TMEM117: variants seen among roughly 807,000 people sequenced by gnomAD.
TMEM117 encodes transmembrane protein 117.
A neutral mutation model predicts 52.4 loss-of-function variants in TMEM117; 27 were observed. That is an observed-to-expected ratio of 0.51 (90% CI 0.38 to 0.71). The LOEUF is 0.71. Among genes scored for constraint, TMEM117 ranks in the 30% least tolerant of loss-of-function variants. TMEM117 has a pLI of 0.00. For synonymous variants in TMEM117, 215 were observed against 206.3 expected, an observed-to-expected ratio of 1.04 and a Z score of -0.36; for missense variants, 556 against 630.5, an observed-to-expected ratio of 0.88 and a Z score of 1.26.
chr12:43,949,611 A>C (rs780027859), intron 3 of TMEM117, among the ~76,000 whole-genome samples: 1 of 152,136 alleles, frequency 6.6e-6, no homozygotes, highest in African/African-American at 2.4e-5. Context: ...AGAGTTTGCT[A>C]TCTGTTGGGA....
chr12:43,951,736 AGGGCTCTG>A (rs1945226853), intron 3 of TMEM117, among the ~76,000 whole-genome samples: 1 of 122,984 alleles, frequency 8.1e-6, no homozygotes, highest in Non-Finnish European at 1.8e-5. Flanking sequence ...GAGATTGATG[AGGGCTCTG>A]ATCCTGATGA....
intron 5 of TMEM117, among the ~76,000 whole-genome samples, chr12:44,212,041 T>C (rs1312873126): frequency 6.6e-6 from 1 of 152,234 alleles, no homozygotes; most frequent in South Asian, 2.1e-4. Context: ...TGAATAATTA[T>C]ATAATCCCAA....
At chr12:43,834,106 G>T (rs1228963550), upstream of TMEM117, among the ~76,000 whole-genome samples, 2 of 152,070 alleles carry the variant, frequency 1.3e-5, no homozygotes, top group Non-Finnish European at 2.9e-5. Context: ...GAAAATAGTA[G>T]TAATAAAAGA....
At chr12:44,052,924 C>T (rs1946998149) in intron 3 of TMEM117, among the ~76,000 whole-genome samples, 1 of 152,100 alleles carries the variant, frequency 6.6e-6, no homozygotes, top group Non-Finnish European at 1.5e-5. Flanking sequence ...TTACTCCCTG[C>T]CCCCAAGGAA....
chr12:44,353,806 C>T (rs1269412254), intron 6 of TMEM117, among the ~76,000 whole-genome samples: 20 of 151,936 alleles, frequency 1.3e-4, no homozygotes, highest in Admixed American at 8.5e-4. Context: ...ATATGAACTT[C>T]AAAGTAGTTT....
intron 2 of TMEM117, among the ~76,000 whole-genome samples, chr12:43,897,893 A>G (rs904345759): frequency 5.3e-5 from 8 of 152,284 alleles, no homozygotes; most frequent in Non-Finnish European, 2.9e-5. Context: ...GATTACAGGC[A>G]TGAGCCATTG....
intron 1 of TMEM117, among the ~76,000 whole-genome samples, chr12:43,836,427 G>A (rs1186702622): frequency 1.3e-5 from 2 of 152,162 alleles, no homozygotes; most frequent in African/African-American, 4.8e-5. Context: ...GGAGGGAGGG[G>A]GGACGCGCCA....
At chr12:43,938,388 A>C (rs1944988405) in intron 2 of TMEM117, among the ~76,000 whole-genome samples, 1 of 151,790 alleles carries the variant, frequency 6.6e-6, no homozygotes, top group Non-Finnish European at 1.5e-5. Flanking sequence ...TGAATCTCAT[A>C]ATTTTCTCTA....
chr12:44,080,304 A>G (rs376887819), intron 3 of TMEM117, among the ~76,000 whole-genome samples: 1 of 152,146 alleles, frequency 6.6e-6, no homozygotes. Flanking sequence ...GTCCCTCTTC[A>G]CATGGCGACA....
At chr12:44,029,450 C>T (rs1343058188) in intron 3 of TMEM117, among the ~76,000 whole-genome samples, 1 of 152,144 alleles carries the variant, frequency 6.6e-6, no homozygotes, top group Non-Finnish European at 1.5e-5. Context: ...CTTTTTCCTC[C>T]CTAAATGGGG....
chr12:44,043,533 C>T (rs1352489580), intron 3 of TMEM117, among the ~76,000 whole-genome samples: 1 of 152,168 alleles, frequency 6.6e-6, no homozygotes, highest in Non-Finnish European at 1.5e-5. Flanking sequence ...GCAACATCCC[C>T]TCCCCGACCC....
chr12:44,278,182 G>T (rs932464056), intron 5 of TMEM117, among the ~76,000 whole-genome samples: 7 of 152,078 alleles, frequency 4.6e-5, no homozygotes, highest in Admixed American at 2.0e-4. Flanking sequence ...AAATCCCTTT[G>T]CCATGTAAGG....
intron 6 of TMEM117, among the ~76,000 whole-genome samples, chr12:44,322,105 A>G (rs1951138545): frequency 6.6e-6 from 1 of 152,210 alleles, no homozygotes; most frequent in African/African-American, 2.4e-5. Flanking sequence ...TTTCATTTGA[A>G]TAAAAGGAAT....
chr12:43,998,504 T>G (rs567635369), intron 3 of TMEM117, among the ~76,000 whole-genome samples: 1 of 152,370 alleles, frequency 6.6e-6, no homozygotes, highest in African/African-American at 2.4e-5. Context: ...GTTAGGTTAA[T>G]GTCTACCATA....
rs182036783 is a variant in TMEM117, at chr12:44,078,919, A to G, written c.411-64606A>G. Among the ~76,000 whole-genome samples, 128 of 131,198 alleles carry G rather than the reference A, an allele frequency of 9.8e-4. No homozygotes were observed. In the Middle Eastern group the frequency reaches 0.02, roughly 20 times the overall value. The allele number at this position is 131,198 out of a possible 152,430, so 86.1% of individuals were successfully genotyped here. On this transcript the variant is annotated intron_variant, in intron 3 of 7. Transcript: ENST00000266534. ...GATGTTACCCTCCCTGTGTCCATGT[A>G]TTCTCATTGTTCAACTCCCACTTAT...
intron 2 of TMEM117, among the ~76,000 whole-genome samples, chr12:43,845,705 A>C (rs1350757798): frequency 2.1e-5 from 3 of 142,510 alleles, no homozygotes; most frequent in South Asian, 2.5e-4. Context: ...CCCCAACCCC[A>C]TGACAGGGCC....
chr12:44,315,292 C>T (rs947201565), intron 6 of TMEM117, among the ~76,000 whole-genome samples: 4 of 152,074 alleles, frequency 2.6e-5, no homozygotes, highest in African/African-American at 9.7e-5. Context: ...CTTCTGCTAG[C>T]TTTGGAGTTA....
At chr12:44,199,974 G>A (rs1038168161) in intron 4 of TMEM117, among the ~76,000 whole-genome samples, 3 of 151,846 alleles carry the variant, frequency 2.0e-5, no homozygotes, top group Admixed American at 6.6e-5. Context: ...AAAAATCAGC[G>A]GGGTGTGGTG....
chr12:43,804,028 T>G, the TMEM117 span: 6 of 223,360 alleles, frequency 2.7e-5, no homozygotes, highest in Non-Finnish European at 5.6e-5. Context: ...CTCAGAACTT[T>G]CCCAAAACAA....
Sources: allele counts gnomAD v4.1 joint callset (sites outside exome capture counted in the v4.1 genomes callset), GRCh38; gene constraint gnomAD v4.1.1; transcripts MANE v1.5; gene names NCBI Gene and HGNC (gene_info 2026-07-23, HGNC 2026-07-21).